RNF166: variants seen among roughly 807,000 people sequenced by gnomAD.
RNF166 encodes the protein E3 ubiquitin-protein ligase RNF166.
A neutral mutation model predicts 29.4 loss-of-function variants in RNF166; 19 were observed. The ratio of observed to expected loss-of-function variants is 0.65; its 90% CI spans 0.45 to 0.95. RNF166 has a LOEUF of 0.95. Among genes scored for constraint, RNF166 ranks in the 40% least tolerant of loss-of-function variants. The probability of loss-of-function intolerance (pLI) is 0.00; values close to 1 mark genes in which losing one functional copy is unlikely to be tolerated. For missense variants in RNF166, 347 were observed against 322.1 expected, an observed-to-expected ratio of 1.08 and a Z score of -0.59; for synonymous variants, 171 against 134.5, an observed-to-expected ratio of 1.27 and a Z score of -1.88.
intron 1 of RNF166, chr16:88,703,148 C>G (rs1347339162): frequency 3.0e-6 from 3 of 985,342 alleles, no homozygotes; most frequent in Non-Finnish European, 3.6e-6. Context: ...CAACGTCCAG[C>G]AGAGAGAAAC....
chr16:88,697,093 G>A lies in RNF166; in HGVS notation c.*475C>T, dbSNP rs771361888. 2.4e-5 allele frequency: 4 copies of A among 167,434 alleles called. No homozygotes were observed. Among genetic ancestry groups the A allele is most frequent in the Non-Finnish European group, 3.9e-5 (3 of 77,664 alleles). 10.4% of individuals were successfully genotyped at this position (167,434 alleles called of 1,614,324 possible). On this transcript the variant is annotated 3_prime_UTR_variant, in exon 6 of 6. Transcript: ENST00000312838. The stretch of plus-strand genomic sequence containing the variant: ...AAAGATTATCACACTGGATAATATA[G>A]AAAAGATGCCAGGGTTCCTAAGTAT...
intron 5 of RNF166, chr16:88,697,913 G>A (rs1567634017): frequency 4.1e-6 from 2 of 487,142 alleles, no homozygotes; most frequent in Non-Finnish European, 7.4e-6. Context: ...GAGGTGAGCA[G>A]GCCGGCCAGG....
intron 1 of RNF166, chr16:88,702,849 G>C: frequency 1.5e-5 from 15 of 985,032 alleles, no homozygotes; most frequent in Non-Finnish European, 1.7e-5. Context: ...GATTTGAGCC[G>C]GGGGGGCCGC....
chr16:88,697,835 C>T lies in RNF166; in HGVS notation c.649-202G>A, dbSNP rs540294736. ...AGAAGGTGAAGGTGTGTCCATCACCCGCTGGGTACGGGGGCACTCGGAATG... is the reference window on the plus strand; with the variant it reads ...AGAAGGTGAAGGTGTGTCCATCACCTGCTGGGTACGGGGGCACTCGGAATG... On this transcript the variant is annotated intron_variant, in intron 5 of 5. Coordinates refer to ENST00000312838, the MANE Select transcript of RNF166 (RefSeq NM_178841.4). 2.3e-4 allele frequency: 130 copies of T among 557,742 alleles called. 2 individuals carry two copies. The Middle Eastern group carries it at 4.3e-3, about 18-fold the overall frequency. The allele number at this position is 557,742 out of a possible 1,614,324, so 34.5% of individuals were successfully genotyped here.
rs1289961615 is a variant in RNF166, at chr16:88,699,683, T to C, written c.362A>G (p.Gln121Arg). 1.2e-6 allele frequency: 2 copies of C among 1,613,482 alleles called. No homozygotes were observed. Among genetic ancestry groups the C allele is most frequent in the Admixed American group, 3.3e-5 (2 of 60,020 alleles). The change falls in exon 3 of 6, where the codon CAG (glutamine) becomes CGG (arginine). Residue 121 changes from glutamine to arginine, a missense_variant. Gln to Arg is a conservative substitution (Grantham distance 43). Transcript: ENST00000312838. ...CTTGGGGCAGTTGGCCATCTGCTCC[T>C]GGACCTTCAGGCAGGACGAAATGTG... ...RVHISSCLKV[Q>R]EQMANCPKFV...
At chr16:88,702,437 G>A (rs913555434) in intron 1 of RNF166, among the ~76,000 whole-genome samples, 1 of 152,188 alleles carries the variant, frequency 6.6e-6, no homozygotes, top group African/African-American at 2.4e-5. Flanking sequence ...TGGACAGAGG[G>A]GCTGTGGGCA....
intron 1 of RNF166, chr16:88,703,626 C>T (rs753285): frequency 0.62 from 611,635 of 985,112 alleles, 191,346 homozygotes; most frequent in East Asian, 0.76. Context: ...GTAGTGCCCG[C>T]TTCCCCCACA....
Position 88,706,332 on chromosome 16 carries a change from G to C in RNF166, c.-7C>G. The C allele has an allele frequency of 8.2e-7, 1 of 1,216,846 alleles. No homozygotes were observed. The highest frequency in any genetic ancestry group is 1.0e-6 in the Non-Finnish European group (1 of 978,246). 75.4% of individuals were successfully genotyped at this position (1,216,846 alleles called of 1,614,324 possible). A position where few individuals can be genotyped will look rare whatever the true frequency, so the allele number is the denominator to read the frequency against. On this transcript the variant is annotated 5_prime_UTR_variant, in exon 1 of 6. Transcript: ENST00000312838. ...GGCTGCGGAACATAGCCATCCCGGG[G>C]CCAGGCCCGCGCCGCCCGCCGCCCG...
intron 1 of RNF166, chr16:88,702,889 C>T (rs950409015): frequency 1.1e-5 from 11 of 985,522 alleles, no homozygotes; most frequent in Non-Finnish European, 1.3e-5. Context: ...GAGGAAGGTG[C>T]TGGCAAGATG....
chr16:88,700,973 G>C (rs551522288), intron 2 of RNF166: 701 of 1,303,654 alleles, frequency 5.4e-4, no homozygotes, highest in East Asian at 9.6e-4. Context: ...CAGCCCCCTG[G>C]TCCTTACCCT....
intron 2 of RNF166, chr16:88,700,852 TCGGCCCTTAGATGTCCTTGACTGTGCCCG>T (rs1910143385): frequency 9.4e-7 from 1 of 1,068,282 alleles, no homozygotes. Flanking sequence ...TGGAGGGTGC[TCGGCCCTTAGATGTCCTTGACTGTGCCCG>T]CGGCCCTTGT....
rs1029734017 is a variant in RNF166 at position 88,701,534 on chromosome 16, C to A, written c.156-116G>T. 10 of 999,466 alleles carry A rather than the reference C, an allele frequency of 1.0e-5. No homozygotes were observed. The South Asian group carries it at 1.7e-4, about 17-fold the overall frequency. The allele number at this position is 999,466 out of a possible 1,614,324, so 61.9% of individuals were successfully genotyped here. On this transcript the variant is annotated intron_variant, in intron 1 of 5. Coordinates refer to ENST00000312838, the MANE Select transcript of RNF166 (RefSeq NM_178841.4). ...TGTGGGGTCCACAGGGGCAGCTCCCCCTACCGCTGTCGCCGTCTCTGGAGA... is the reference window on the plus strand; with the variant it reads ...TGTGGGGTCCACAGGGGCAGCTCCCACTACCGCTGTCGCCGTCTCTGGAGA...
chr16:88,698,698 C>G, intron 4 of RNF166, 89 bp from the exon 5 acceptor site: 1 of 1,026,004 alleles, frequency 9.7e-7, no homozygotes, highest in Non-Finnish European at 1.4e-6. Flanking sequence ...TGAGCCCCGT[C>G]AGTGCTGCCT....
intron 2 of RNF166, chr16:88,700,963 C>T (rs1910154957): frequency 4.8e-6 from 6 of 1,257,370 alleles, no homozygotes; most frequent in Non-Finnish European, 6.0e-6. Flanking sequence ...GGTTTCAGCT[C>T]AGCCCCCTGG....
At chr16:88,701,539 C>G (rs557030001) in intron 1 of RNF166, 121 bp from the exon 2 acceptor site, 1 of 929,538 alleles carries the variant, frequency 1.1e-6, no homozygotes, top group Non-Finnish European at 1.6e-6. Context: ...CTCCCCCTAC[C>G]GCTGTCGCCG....
intron 1 of RNF166, chr16:88,704,039 C>T (rs1910528790): frequency 1.0e-6 from 1 of 985,336 alleles, no homozygotes; most frequent in African/African-American, 1.7e-5. Flanking sequence ...GCTGGGCCCC[C>T]AGGGGGCCTC....
At chr16:88,704,351 G>C in intron 1 of RNF166, 1 of 985,438 alleles carries the variant, frequency 1.0e-6, no homozygotes, top group Non-Finnish European at 1.2e-6. Flanking sequence ...TGTGTGAAAA[G>C]CTCTTGCAGG....
At chr16:88,704,320 A>G in intron 1 of RNF166, 1 of 985,460 alleles carries the variant, frequency 1.0e-6, no homozygotes. Flanking sequence ...TCGGGGAGAA[A>G]AATCTTTGAA....
At chr16:88,698,669 A>T in intron 4 of RNF166, 60 bp from the exon 5 acceptor site, 1 of 1,306,822 alleles carries the variant, frequency 7.7e-7, no homozygotes, top group Middle Eastern at 2.7e-4. Flanking sequence ...TAGCCGCAGT[A>T]GGACTGGGGG....
Sources: allele counts gnomAD v4.1 joint callset (sites outside exome capture counted in the v4.1 genomes callset), GRCh38; gene constraint gnomAD v4.1.1; transcripts MANE v1.5; gene names NCBI Gene and HGNC (gene_info 2026-07-23, HGNC 2026-07-21).